PCNT: variants seen among roughly 807,000 people sequenced by gnomAD.
The protein encoded by PCNT is pericentrin, also known as kendrin.
Under a neutral mutation model 380.4 loss-of-function variants are expected in PCNT, and 319 were observed. The ratio of observed to expected loss-of-function variants is 0.84; its 90% CI spans 0.77 to 0.92. The LOEUF (loss-of-function observed/expected upper bound fraction) is 0.92. PCNT is among the 40% of genes least tolerant of loss of function. The pLI, the probability that PCNT is intolerant of heterozygous loss-of-function variation, is 0.00. For missense variants in PCNT, 4,400 were observed against 4,255.3 expected (o/e 1.03, Z -0.95); for synonymous variants, 1,845 against 1,735.2 (o/e 1.06, Z -1.57).
chr21:46,440,496 C>G (rs1282021017), intron 42 of PCNT, among the ~76,000 whole-genome samples: 1 of 152,238 alleles, frequency 6.6e-6, no homozygotes, highest in Non-Finnish European at 1.5e-5. Flanking sequence ...TGCCGGGATT[C>G]GGCCCAAGAT....
intron 2 of PCNT, among the ~76,000 whole-genome samples, chr21:46,333,218 G>C (rs1019301316): frequency 3.3e-5 from 5 of 152,104 alleles, no homozygotes; most frequent in African/African-American, 1.2e-4. Context: ...CAGATCACAA[G>C]GTCAAGAGAT....
intron 17 of PCNT, 104 bp downstream of exon 17, chr21:46,386,087 A>C: frequency 7.2e-7 from 1 of 1,379,836 alleles, no homozygotes; most frequent in Non-Finnish European, 1.0e-6. Flanking sequence ...GGCTGCTGCC[A>C]CCATGCACGC....
chr21:46,416,116 C>T lies in PCNT; in HGVS notation c.6198C>T (p.Leu2066=), dbSNP rs188751650. The T allele has an allele frequency of 1.2e-5, 19 of 1,614,162 alleles. No homozygotes were observed. The highest frequency in any genetic ancestry group is 1.6e-4 in the Middle Eastern group (1 of 6,062). Residue 2066 remains leucine (L), a synonymous_variant, in exon 30 of 47, where the codon CTC becomes CTT. Transcript: ENST00000359568. The stretch of plus-strand genomic sequence containing the variant: ...ATTGTCAGCTGCCGAAGGTCGATCT[C>T]GTAGCTCAGGTGAAACAGCTTCAGG... ...LEDCQLPKVD[L]VAQVKQLQEK...
At chr21:46,393,803 T>C (rs2154573) in intron 21 of PCNT, among the ~76,000 whole-genome samples, 101,838 of 152,056 alleles carry the variant, frequency 0.67, 34,789 homozygotes, top group African/African-American at 0.79. Context: ...CTCTGGTTCA[T>C]CTCCTGCCAC....
In PCNT at chr21:46,393,696, G is replaced by A. The variant is rs182754943; in HGVS notation, c.4216+2320G>A. On this transcript the variant is annotated intron_variant, in intron 21 of 46. Transcript: ENST00000359568. ...CCGGGGCCCTGTGGCTAGCGCCCCCGTGTCAGGTGCCTGTGTCGTGCCCTG... is the reference window on the plus strand; with the variant it reads ...CCGGGGCCCTGTGGCTAGCGCCCCCATGTCAGGTGCCTGTGTCGTGCCCTG... 3.2e-4 allele frequency among the ~76,000 whole-genome samples: 49 copies of A among 152,358 alleles called. No individual in the cohort carries two copies. In the Middle Eastern group the frequency reaches 0.01, roughly 32 times the overall value.
At chr21:46,406,008 G>C (rs918606646) in intron 27 of PCNT, among the ~76,000 whole-genome samples, 1 of 152,176 alleles carries the variant, frequency 6.6e-6, no homozygotes, top group African/African-American at 2.4e-5. Flanking sequence ...ATAAAGAAAA[G>C]TAAAATTCCA....
In PCNT at chr21:46,439,634, C is replaced by T. The variant is rs573592522; in HGVS notation, c.9274-449C>T. ...AAGCACACGTTTGGTACAGACACATCGTTTTTTCTGAATATTTTTCACCCA... is the reference window on the plus strand; with the variant it reads ...AAGCACACGTTTGGTACAGACACATTGTTTTTTCTGAATATTTTTCACCCA... On this transcript the variant is annotated intron_variant, in intron 41 of 46. Transcript: ENST00000359568. Among the ~76,000 whole-genome samples, 16 of 152,244 alleles carry T rather than the reference C, an allele frequency of 1.1e-4. No homozygotes were observed. The East Asian group carries it at 2.1e-3, about 20-fold the overall frequency.
chr21:46,429,975 A>G (rs760730478), intron 35 of PCNT, 35 bp from the exon 36 acceptor site: 3 of 1,567,942 alleles, frequency 1.9e-6, no homozygotes, highest in South Asian at 1.1e-5. Flanking sequence ...CGAGGAGCTC[A>G]TGGGGGCCTG....
chr21:46,370,863 G>A (rs1295177959), intron 15 of PCNT, among the ~76,000 whole-genome samples: 7 of 152,152 alleles, frequency 4.6e-5, no homozygotes, highest in African/African-American at 1.7e-4. Flanking sequence ...GTGGAACCCC[G>A]TTTCTACTAA....
At chr21:46,421,855 T>G in intron 31 of PCNT, 115 bp from the exon 32 acceptor site, 1 of 1,113,972 alleles carries the variant, frequency 9.0e-7, no homozygotes, top group Non-Finnish European at 1.3e-6. Flanking sequence ...AGAATCACGG[T>G]GTGGTTGTCG....
In PCNT at chr21:46,416,064, T is replaced by C. The variant is rs1249282906; in HGVS notation, c.6151-5T>C. Reference sequence around the variant, plus strand: ...CACCGTGCACCTGTTCTGTTTCACCTGCAGGGTAAAGAAAAAGTACTGGAA... The same window carrying C: ...CACCGTGCACCTGTTCTGTTTCACCCGCAGGGTAAAGAAAAAGTACTGGAA... On this transcript the variant is annotated splice_polypyrimidine_tract_variant and splice_region_variant and intron_variant, in intron 29 of 46. Transcript: ENST00000359568. The C allele has an allele frequency of 4.3e-6, 7 of 1,613,824 alleles. No homozygotes were observed. In the African/African-American group the frequency reaches 8.0e-5, roughly 18 times the overall value.
chr21:46,426,737 A>G (rs1347531115), intron 33 of PCNT, among the ~76,000 whole-genome samples: 1 of 151,792 alleles, frequency 6.6e-6, no homozygotes, highest in African/African-American at 2.4e-5. Context: ...AGTCCTCCCC[A>G]TCTCCCTGCC....
intron 3 of PCNT, among the ~76,000 whole-genome samples, chr21:46,335,706 A>T (rs9975601): frequency 0.76 from 105,278 of 139,096 alleles, 38,262 homozygotes; most frequent in African/African-American, 0.87. Flanking sequence ...TTTTTTTTTT[A>T]AATAGAGACG....
At chr21:46,346,314 T>G (rs1181766693) in intron 4 of PCNT, 106 bp downstream of exon 4, 3 of 650,094 alleles carry the variant, frequency 4.6e-6, no homozygotes, top group Non-Finnish European at 8.2e-6. Flanking sequence ...ATCTCCTTTC[T>G]CTGAGTTGTC....
At position 46,437,046 on chromosome 21, in the gene PCNT, C is replaced by G. The variant is rs746925208; in HGVS notation, c.9064C>G (p.Leu3022Val). ...VMSLLHTLEE[L>V]KSDLSRPTSS... ...GTCTTTACTGCACACGTTGGAGGAG[C>G]TGAAGTCTGACTTGAGCAGGCCCAC... Residue 3022 changes from leucine to valine, a missense_variant, in exon 40 of 47, where the codon CTG (leucine) becomes GTG (valine). Leu to Val is a conservative substitution (Grantham distance 32). Coordinates refer to ENST00000359568, the MANE Select transcript of PCNT (RefSeq NM_006031.6). 9.9e-6 allele frequency: 16 copies of G among 1,613,978 alleles called. No individual in the cohort carries two copies. Among genetic ancestry groups the G allele is most frequent in the Admixed American group, 5.0e-5 (3 of 60,010 alleles).
intron 6 of PCNT, among the ~76,000 whole-genome samples, chr21:46,348,039 C>A (rs1427035223): frequency 1.3e-5 from 2 of 152,206 alleles, no homozygotes; most frequent in African/African-American, 4.8e-5. Context: ...AGTCAGGCAT[C>A]TGGGCAGCTC....
intron 2 of PCNT, among the ~76,000 whole-genome samples, chr21:46,333,830 C>T (rs2083635870): frequency 6.7e-6 from 1 of 149,318 alleles, no homozygotes; most frequent in Non-Finnish European, 1.5e-5. Context: ...GAGCAAGACT[C>T]CGTCTCAAAA....
At chr21:46,408,255 A>G (rs142932612) in intron 27 of PCNT, among the ~76,000 whole-genome samples, 3 of 152,156 alleles carry the variant, frequency 2.0e-5, no homozygotes, top group Non-Finnish European at 4.4e-5. Context: ...TTAGTTGCTG[A>G]GTACTGTTGT....
intron 3 of PCNT, among the ~76,000 whole-genome samples, chr21:46,343,727 C>G (rs967041835): frequency 1.3e-5 from 2 of 152,186 alleles, no homozygotes; most frequent in Non-Finnish European, 2.9e-5. Flanking sequence ...TGATAGAATT[C>G]AGCTGTGAAT....
Sources: gnomAD v4.1 joint callset for allele counts (sites outside exome capture counted in the v4.1 genomes callset) on GRCh38, gnomAD v4.1.1 for gene constraint, MANE v1.5 for transcripts, NCBI Gene and HGNC (gene_info 2026-07-23, HGNC 2026-07-21) for gene names.